The following PEAK1 variants were observed in gnomAD, a reference collection of about 807,000 sequenced individuals.
The protein encoded by PEAK1 is pseudopodium enriched atypical kinase 1.
PEAK1 carries 54 observed loss-of-function variants against 124.7 expected under a neutral mutation model. That is an observed-to-expected ratio of 0.43 (90% CI 0.35 to 0.54). The LOEUF is 0.54. Ranked by LOEUF, PEAK1 falls within the 20% of genes least tolerant of loss-of-function variation. The pLI is 0.01. For synonymous variants in PEAK1, 719 were observed against 760.0 expected (o/e 0.95, Z 0.89); for missense variants, 2,046 against 2,134.5 (o/e 0.96, Z 0.82).
At chr15:77,337,826 T>C (rs1200208969) in intron 2 of PEAK1, 2 of 985,238 alleles carry the variant, frequency 2.0e-6, no homozygotes, top group African/African-American at 1.7e-5. Context: ...TAGCGTTTCA[T>C]GCAATAGAGC....
chr15:77,306,380 T>C (rs1444118702), intron 2 of PEAK1, among the ~76,000 whole-genome samples: 1 of 152,158 alleles, frequency 6.6e-6, no homozygotes, highest in East Asian at 1.9e-4. Context: ...ACACTTGCAT[T>C]GTTTTTCAGA....
At chr15:77,314,222 T>C (rs1444790199) in intron 2 of PEAK1, among the ~76,000 whole-genome samples, 1 of 152,124 alleles carries the variant, frequency 6.6e-6, no homozygotes, top group Non-Finnish European at 1.5e-5. Flanking sequence ...AAAATGTAAA[T>C]TTGTTGAACC....
intron 2 of PEAK1, chr15:77,335,189 C>A (rs2066123190): frequency 1.0e-6 from 1 of 985,434 alleles, no homozygotes; most frequent in Non-Finnish European, 1.2e-6. Flanking sequence ...ACTGTCCCTC[C>A]CAACTTAAGA....
intron 9 of PEAK1, among the ~76,000 whole-genome samples, chr15:77,132,116 T>G (rs886697934): frequency 4.6e-5 from 7 of 152,004 alleles, no homozygotes; most frequent in Admixed American, 2.6e-4. Context: ...GGTCTCACTT[T>G]GTTGCCCAGG....
At chr15:77,121,489 A>T (rs766120252) in intron 9 of PEAK1, among the ~76,000 whole-genome samples, 1 of 152,190 alleles carries the variant, frequency 6.6e-6, no homozygotes, top group Non-Finnish European at 1.5e-5. Context: ...ATAAACACTC[A>T]TGAATGACCT....
intron 8 of PEAK1, among the ~76,000 whole-genome samples, chr15:77,136,226 T>G (rs1408119264): frequency 6.6e-6 from 1 of 152,138 alleles, no homozygotes; most frequent in Non-Finnish European, 1.5e-5. Context: ...AATTTGGCCC[T>G]GCCCTAGAGA....
intron 6 of PEAK1, among the ~76,000 whole-genome samples, chr15:77,213,274 A>G (rs1367455881): frequency 6.6e-6 from 1 of 152,204 alleles, no homozygotes; most frequent in Non-Finnish European, 1.5e-5. Context: ...GGGAGTAGAA[A>G]TTTATACATA....
intron 1 of PEAK1, among the ~76,000 whole-genome samples, chr15:77,370,023 A>C (rs2068532952): frequency 6.6e-6 from 1 of 152,156 alleles, no homozygotes; most frequent in Non-Finnish European, 1.5e-5. Context: ...TGAAGTGCTG[A>C]TGACCTTCAT....
intron 2 of PEAK1, among the ~76,000 whole-genome samples, chr15:77,358,439 T>C (rs557135334): frequency 1.3e-5 from 2 of 152,332 alleles, no homozygotes; most frequent in Admixed American, 6.5e-5. Context: ...CCAATCTTAC[T>C]AAGGTCACTA....
chr15:77,313,692 GTATATATATA>G (rs1555478058), intron 2 of PEAK1, among the ~76,000 whole-genome samples: 1 of 98,814 alleles, frequency 1.0e-5, no homozygotes, highest in East Asian at 2.5e-4. Context: ...GTGTGTGTGT[GTATATATATA>G]TATGTATGTG....
At chr15:77,401,669 G>A (rs1047400110) in intron 1 of PEAK1, 6 of 984,838 alleles carry the variant, frequency 6.1e-6, no homozygotes, top group African/African-American at 5.2e-5. Context: ...ACATTGCCAC[G>A]AAAGAACTCA....
At chr15:77,267,200 C>T (rs2061784135) in intron 5 of PEAK1, among the ~76,000 whole-genome samples, 1 of 152,110 alleles carries the variant, frequency 6.6e-6, no homozygotes, top group African/African-American at 2.4e-5. Context: ...ACCCCCATCC[C>T]CTACAGCAGC....
intron 6 of PEAK1, among the ~76,000 whole-genome samples, chr15:77,231,250 A>T (rs1475082603): frequency 6.6e-6 from 1 of 152,218 alleles, no homozygotes; most frequent in African/African-American, 2.4e-5. Flanking sequence ...ATATAAATTC[A>T]GTAGTTAAAA....
chr15:77,268,861 A>C (rs1390802979), intron 5 of PEAK1, among the ~76,000 whole-genome samples: 1 of 152,166 alleles, frequency 6.6e-6, no homozygotes, highest in Non-Finnish European at 1.5e-5. Context: ...TCCTATCTTT[A>C]GCCTCCTTAA....
chr15:77,344,398 G>A (rs930732004), intron 2 of PEAK1, among the ~76,000 whole-genome samples: 13 of 152,156 alleles, frequency 8.5e-5, no homozygotes, highest in Admixed American at 6.5e-4. Context: ...CTGGCCGGCT[G>A]TCTGTTTTAT....
intron 5 of PEAK1, among the ~76,000 whole-genome samples, chr15:77,272,647 T>G (rs1019509091): frequency 6.6e-6 from 1 of 151,934 alleles, no homozygotes; most frequent in Non-Finnish European, 1.5e-5. Context: ...AGTCCAGGAC[T>G]AGATGGATTC....
At position 77,402,945 on chromosome 15, in the gene PEAK1, T is replaced by C. The variant is rs1183092669; in HGVS notation, c.-666+17061A>G. On this transcript the variant is annotated intron_variant, in intron 1 of 9. Transcript: ENST00000682557. ...AGGCCAGAAAAAGCTTATGTTTTCA[T>C]GAAGATCACTTTGAAATGCAGTTCT... 6.1e-6 allele frequency: 6 copies of C among 985,308 alleles called. No homozygotes were observed. The African/African-American group carries it at 7.0e-5, about 11-fold the overall frequency. 61.0% of individuals were successfully genotyped at this position (985,308 alleles called of 1,614,324 possible). A position where few individuals can be genotyped will look rare whatever the true frequency, so the allele number is the denominator to read the frequency against.
chr15:77,231,558 G>A (rs1331800089), intron 6 of PEAK1, among the ~76,000 whole-genome samples: 1 of 152,044 alleles, frequency 6.6e-6, no homozygotes, highest in Non-Finnish European at 1.5e-5. Context: ...TTGGTTAACT[G>A]CCCAAATGAA....
rs1405986341 is a variant in PEAK1, at chr15:77,152,149, CCT to C, written c.3331+6352_3331+6353del. Among the ~76,000 whole-genome samples the C allele has an allele frequency of 2.0e-5, 3 of 152,118 alleles. No individual in the cohort carries two copies. In the East Asian group the frequency reaches 5.8e-4, roughly 29 times the overall value. On this transcript the variant is annotated intron_variant, in intron 8 of 9. Transcript: ENST00000682557. ...GTAATGTTCTTCCATTTGTTTGTAT[CCT>C]CTTTTATTTCATTGAGCAGTGGTTT...
Sources: allele counts gnomAD v4.1 joint callset (sites outside exome capture counted in the v4.1 genomes callset), GRCh38; gene constraint gnomAD v4.1.1; transcripts MANE v1.5; gene names NCBI Gene and HGNC (gene_info 2026-07-23, HGNC 2026-07-21).